Variants in SLC25A13 observed in about 807,000 individuals in gnomAD.
SLC25A13 encodes solute carrier family 25 member 13, also known as electrogenic aspartate/glutamate antiporter SLC25A13, mitochondrial.
A neutral mutation model predicts 85.5 loss-of-function variants in SLC25A13; 70 were observed. The observed-to-expected ratio is 0.82, with a 90% CI of 0.68 to 1.00. The LOEUF (loss-of-function observed/expected upper bound fraction) is 1.00. SLC25A13 is among the 50% of genes least tolerant of loss of function. SLC25A13 has a pLI of 0.00. For missense variants in SLC25A13, 765 were observed against 819.8 expected (o/e 0.93, Z 0.82); for synonymous variants, 259 against 288.7 (o/e 0.90, Z 1.04).
At chr7:96,196,221 G>A (rs376512259) in intron 5 of SLC25A13, among the ~76,000 whole-genome samples, 3 of 152,192 alleles carry the variant, frequency 2.0e-5, no homozygotes, top group Non-Finnish European at 1.5e-5. Flanking sequence ...ACCACAGTGC[G>A]TATTCAATTG....
intron 13 of SLC25A13, among the ~76,000 whole-genome samples, chr7:96,163,257 T>C (rs1793588127): frequency 6.6e-6 from 1 of 152,200 alleles, no homozygotes; most frequent in African/African-American, 2.4e-5. Flanking sequence ...ATGCCTGCTC[T>C]TGGGAGGCTC....
chr7:96,246,953 T>G (rs1034262530), intron 3 of SLC25A13, among the ~76,000 whole-genome samples: 2 of 152,256 alleles, frequency 1.3e-5, no homozygotes, highest in African/African-American at 4.8e-5. Context: ...TTTTTGCTTC[T>G]TAAATAGTAG....
intron 11 of SLC25A13, 62 bp downstream of exon 11, chr7:96,184,215 G>C: frequency 6.3e-6 from 10 of 1,587,968 alleles, no homozygotes; most frequent in Non-Finnish European, 8.6e-6. Flanking sequence ...CAGGCACTAA[G>C]ATGAGAAACC....
At chr7:96,234,764 C>T in intron 4 of SLC25A13, 38 bp downstream of exon 4, 1 of 1,483,058 alleles carries the variant, frequency 6.7e-7, no homozygotes, top group Non-Finnish European at 9.4e-7. Context: ...CACACAAGTC[C>T]ACACTTACAC....
At chr7:96,164,697 A>T (rs1256734914) in intron 13 of SLC25A13, among the ~76,000 whole-genome samples, 1 of 105,904 alleles carries the variant, frequency 9.4e-6, no homozygotes, top group African/African-American at 3.6e-5. Context: ...TATGATTTTC[A>T]AAAGGATTAA....
chr7:96,260,094 A>C (rs942569144), intron 3 of SLC25A13, among the ~76,000 whole-genome samples: 1 of 152,068 alleles, frequency 6.6e-6, no homozygotes, highest in South Asian at 2.1e-4. Flanking sequence ...TAGGAGAAAT[A>C]CCTAATGTAG....
chr7:96,149,097 T>C (rs1792917087), intron 13 of SLC25A13, among the ~76,000 whole-genome samples: 1 of 152,214 alleles, frequency 6.6e-6, no homozygotes, highest in Non-Finnish European at 1.5e-5. Context: ...TTGCTAAAAT[T>C]TTCCTATGAG....
At chr7:96,210,202 C>A (rs1361232463) in intron 4 of SLC25A13, among the ~76,000 whole-genome samples, 1 of 152,134 alleles carries the variant, frequency 6.6e-6, no homozygotes, top group Non-Finnish European at 1.5e-5. Context: ...AGTAAAAAAT[C>A]AGGATTATGC....
intron 2 of SLC25A13, among the ~76,000 whole-genome samples, chr7:96,291,973 C>CA (rs1768636986): frequency 6.6e-6 from 1 of 151,960 alleles, no homozygotes; most frequent in Non-Finnish European, 1.5e-5. Flanking sequence ...AGAGACACAA[C>CA]AAAAAAAGAG....
intron 15 of SLC25A13, among the ~76,000 whole-genome samples, chr7:96,125,855 C>T (rs2116400334): frequency 1.6e-5 from 2 of 125,160 alleles, no homozygotes; most frequent in Middle Eastern, 8.6e-3. Context: ...TTAATTATGG[C>T]AGTTCTTCTA....
intron 11 of SLC25A13, among the ~76,000 whole-genome samples, chr7:96,173,829 C>T (rs1255174728): frequency 1.3e-5 from 2 of 152,182 alleles, no homozygotes; most frequent in Non-Finnish European, 2.9e-5. Context: ...AAGAGTTCAG[C>T]AACCTGAGCC....
chr7:96,251,859 T>G (rs1246681289), intron 3 of SLC25A13, among the ~76,000 whole-genome samples: 2 of 152,226 alleles, frequency 1.3e-5, no homozygotes, highest in Admixed American at 1.3e-4. Context: ...TAGCACCATC[T>G]TTGCTATTTT....
At position 96,121,933 on chromosome 7, in the gene SLC25A13, G is replaced by T. The variant is rs765072433; in HGVS notation, c.1656C>A (p.Ala552=). 6.2e-7 allele frequency: 1 copy of T among 1,614,054 alleles called. No homozygotes were observed. Among genetic ancestry groups the T allele is most frequent in the Non-Finnish European group, 8.5e-7 (1 of 1,180,010 alleles). ...DVIKTRLQVA[A]RAGQTTYSGV... ...CGCTGTAAGTGGTTTGGCCAGCCCG[G>T]GCAGCCACCTGTAATCTCGTCTTGA... The change falls in exon 16 of 18, where the codon GCC becomes GCA. Residue 552 remains alanine (A), a synonymous_variant. Coordinates refer to ENST00000265631, the MANE Select transcript of SLC25A13 (RefSeq NM_014251.3).
chr7:96,206,120 A>G (rs1369969507), intron 5 of SLC25A13, among the ~76,000 whole-genome samples: 1 of 152,178 alleles, frequency 6.6e-6, no homozygotes, highest in African/African-American at 2.4e-5. Flanking sequence ...GTTCCCTGAA[A>G]TCACAAGCAC....
chr7:96,139,945 CTTTTTTT>C (rs59749381), intron 14 of SLC25A13, among the ~76,000 whole-genome samples: 17 of 86,364 alleles, frequency 2.0e-4, no homozygotes, highest in Admixed American at 4.5e-4. Context: ...GATTTCCATT[CTTTTTTT>C]TTTTTTTTTT....
Position 96,191,227 on chromosome 7 carries a change from G to A in SLC25A13, c.636C>T (p.Ser212=). Residue 212 remains serine, a synonymous_variant, in exon 7 of 18, where the codon TCC becomes TCT. Coordinates refer to ENST00000265631, the MANE Select transcript of SLC25A13 (RefSeq NM_014251.3). The part of the protein sequence containing the change: ...CLVAAAGGTT[S]HQVSFSYFNG... ...TAAAATAGGAGAAACTAACTTGATGGGATGTGGTACCTCCAGCAGCCTCAA... is the reference window on the plus strand; with the variant it reads ...TAAAATAGGAGAAACTAACTTGATGAGATGTGGTACCTCCAGCAGCCTCAA... 1 of 1,613,830 alleles carries A rather than the reference G, an allele frequency of 6.2e-7. No homozygotes were observed.
At chr7:96,151,695 C>T (rs1247832481) in intron 13 of SLC25A13, among the ~76,000 whole-genome samples, 2 of 152,026 alleles carry the variant, frequency 1.3e-5, no homozygotes, top group African/African-American at 2.4e-5. Context: ...GTAATCCCAG[C>T]ACTTTGGGAG....
At chr7:96,247,958 GA>G (rs79369705) in intron 3 of SLC25A13, among the ~76,000 whole-genome samples, 2,404 of 122,476 alleles carry the variant, frequency 0.02, 64 homozygotes, top group East Asian at 0.13. Flanking sequence ...TAGCAGCTGG[GA>G]AAAAAAAAAA....
intron 1 of SLC25A13, among the ~76,000 whole-genome samples, chr7:96,298,931 T>C (rs892055856): frequency 3.3e-5 from 5 of 152,074 alleles, no homozygotes; most frequent in Admixed American, 3.3e-4. Context: ...TGGGACAGCA[T>C]AAAATGCCCC....
Sources: allele counts gnomAD v4.1 joint callset (sites outside exome capture counted in the v4.1 genomes callset), GRCh38; gene constraint gnomAD v4.1.1; transcripts MANE v1.5; gene names NCBI Gene and HGNC (gene_info 2026-07-23, HGNC 2026-07-21).